PGPEP1: variants seen among roughly 807,000 people sequenced by gnomAD.
The protein encoded by PGPEP1 is pyroglutamyl-peptidase I, also known as pyroglutamyl-peptidase 1.
In PGPEP1, 15 loss-of-function variants were observed where a neutral mutation model predicts 24.1. The observed-to-expected ratio is 0.62, with a 90% CI of 0.42 to 0.96. PGPEP1 has a LOEUF of 0.96. Ranked by LOEUF, PGPEP1 falls within the 40% of genes least tolerant of loss-of-function variation. PGPEP1 has a pLI of 0.00. For synonymous variants in PGPEP1, 122 were observed against 116.4 expected, an observed-to-expected ratio of 1.05 and a Z score of -0.31; for missense variants, 242 against 273.4, an observed-to-expected ratio of 0.89 and a Z score of 0.81.
intron 2 of PGPEP1, among the ~76,000 whole-genome samples, chr19:18,348,159 G>A (rs959349405): frequency 9.9e-5 from 15 of 152,116 alleles, no homozygotes; most frequent in Non-Finnish European, 2.1e-4. Flanking sequence ...GTGGACTGGG[G>A]CACTGGCTGT....
At chr19:18,359,722 A>G (rs150614482) in intron 4 of PGPEP1, among the ~76,000 whole-genome samples, 2,122 of 152,122 alleles carry the variant, frequency 0.014, 38 homozygotes, top group Non-Finnish European at 0.017. Flanking sequence ...TGGCCACACC[A>G]GGGTGGTCTC....
intron 2 of PGPEP1, among the ~76,000 whole-genome samples, chr19:18,343,604 GT>G (rs1438121778): frequency 2.6e-5 from 4 of 151,638 alleles, no homozygotes; most frequent in African/African-American, 4.8e-5. Context: ...AACGTAGCTG[GT>G]TTCCAGGACA....
At chr19:18,363,110 C>T (rs1971395638) in intron 4 of PGPEP1, among the ~76,000 whole-genome samples, 1 of 149,002 alleles carries the variant, frequency 6.7e-6, no homozygotes, top group Non-Finnish European at 1.5e-5. Context: ...AGGCTGAGTG[C>T]AGTGGTGCAA....
chr19:18,363,332 G>C (rs912276534), intron 4 of PGPEP1, 59 bp from the exon 5 acceptor site: 1 of 1,431,938 alleles, frequency 7.0e-7, no homozygotes, highest in Admixed American at 1.8e-5. Context: ...CTTGGTCTAC[G>C]GATTGCCCCT....
At chr19:18,363,033 T>TTGTGTGTGTGTGTGTGTGTG (rs201259409) in intron 4 of PGPEP1, among the ~76,000 whole-genome samples, 243 of 136,780 alleles carry the variant, frequency 1.8e-3, no homozygotes, top group East Asian at 4.5e-3. Flanking sequence ...TTTTTTTTGT[T>TTGTGTGTGTGTGTGTGTGTG]TGTGTGTGTG....
At chr19:18,358,253 CTTTTT>C (rs58979840) in intron 4 of PGPEP1, among the ~76,000 whole-genome samples, 7 of 64,482 alleles carry the variant, frequency 1.1e-4, no homozygotes, top group Non-Finnish European at 1.4e-4. Flanking sequence ...TCCAGTATGA[CTTTTT>C]TTTTTTTTTT....
intron 1 of PGPEP1, among the ~76,000 whole-genome samples, chr19:18,341,266 GCTGTCCCAGGGA>G (rs1170708728): frequency 6.6e-6 from 1 of 152,214 alleles, no homozygotes; most frequent in African/African-American, 2.4e-5. Context: ...GGCTCTCCCA[GCTGTCCCAGGGA>G]CTGTCTTCAG....
In PGPEP1 at chr19:18,369,029, G is replaced by C. The variant is rs993203441; in HGVS notation, c.*5446G>C. 6.6e-6 allele frequency: 1 copy of C among 152,288 alleles called. No homozygotes were observed. The highest frequency in any genetic ancestry group is 2.4e-5 in the African/African-American group (1 of 41,466). 9.4% of individuals were successfully genotyped at this position (152,288 alleles called of 1,614,324 possible). A position where few individuals can be genotyped will look rare whatever the true frequency, so the allele number is the denominator to read the frequency against. On this transcript the variant is annotated 3_prime_UTR_variant, in exon 5 of 5. Coordinates refer to ENST00000269919, the MANE Select transcript of PGPEP1 (RefSeq NM_017712.4). ...AGGGCCCGGGGCTGCTGGTTGGGAG[G>C]GAAAGCATCCCCGTTTTTGCAGTGA...
intron 1 of PGPEP1, among the ~76,000 whole-genome samples, chr19:18,342,457 A>G (rs934918391): frequency 2.0e-5 from 3 of 152,222 alleles, no homozygotes; most frequent in Non-Finnish European, 4.4e-5. Context: ...GGTGAAATCT[A>G]GACAGCCTGG....
chr19:18,345,607 C>G lies in PGPEP1; in HGVS notation c.87+2696C>G, dbSNP rs1970811196. 2.0e-5 allele frequency among the ~76,000 whole-genome samples: 3 copies of G among 150,796 alleles called. No homozygotes were observed. The South Asian group carries it at 6.2e-4, about 31-fold the overall frequency. The stretch of plus-strand genomic sequence containing the variant: ...GGGAGTGGTGGCGCATGCCTGTAGT[C>G]CCAGCTACTCGGGAGGCTAATATGG... On this transcript the variant is annotated intron_variant, in intron 2 of 4. Coordinates refer to ENST00000269919, the MANE Select transcript of PGPEP1 (RefSeq NM_017712.4).
intron 1 of PGPEP1, among the ~76,000 whole-genome samples, chr19:18,341,529 G>A (rs1049808415): frequency 1.3e-5 from 2 of 152,122 alleles, no homozygotes; most frequent in Admixed American, 6.6e-5. Context: ...GGTGTTTTGT[G>A]GCTGTTGAAG....
At position 18,349,082 on chromosome 19, in the gene PGPEP1, AAC is replaced by A. The variant is rs201641785; in HGVS notation, c.87+6179_87+6180del. 925 of 983,430 alleles carry A rather than the reference AAC, an allele frequency of 9.4e-4. 6 individuals carry two copies. In the African/African-American group the frequency reaches 0.015, roughly 16 times the overall value. 60.9% of individuals were successfully genotyped at this position (983,430 alleles called of 1,614,324 possible). A position where few individuals can be genotyped will look rare whatever the true frequency, so the allele number is the denominator to read the frequency against. On this transcript the variant is annotated intron_variant, in intron 2 of 4. Transcript: ENST00000269919. Reference sequence around the variant, plus strand: ...CCCTGCCATCAGGTGGGTCTTGGCAAACACACACATGAACACCTCTCTTGTGA... The same window carrying A: ...CCCTGCCATCAGGTGGGTCTTGGCAAACACACATGAACACCTCTCTTGTGA...
At position 18,357,375 on chromosome 19, in the gene PGPEP1, G is replaced by A. The variant is rs747829715; in HGVS notation, c.205-8G>A. 5 of 1,610,396 alleles carry A rather than the reference G, an allele frequency of 3.1e-6. No homozygotes were observed. The highest frequency in any genetic ancestry group is 2.7e-5 in the African/African-American group (2 of 74,984). ...GCCATGTTAAGTCCTGCCCCTGTCT[G>A]TGTGCAGCTGGTGGTGCATGTGGGG... On this transcript the variant is annotated splice_region_variant and splice_polypyrimidine_tract_variant and intron_variant, in intron 3 of 4. Coordinates refer to ENST00000269919, the MANE Select transcript of PGPEP1 (RefSeq NM_017712.4).
intron 2 of PGPEP1, among the ~76,000 whole-genome samples, chr19:18,345,620 G>T (rs1490806268): frequency 6.6e-6 from 1 of 150,778 alleles, no homozygotes; most frequent in Non-Finnish European, 1.5e-5. Flanking sequence ...AGCTACTCGG[G>T]AGGCTAATAT....
intron 2 of PGPEP1, among the ~76,000 whole-genome samples, chr19:18,352,266 CAAAAAAA>C (rs60299417): frequency 2.3e-5 from 1 of 43,664 alleles, no homozygotes; most frequent in African/African-American, 7.6e-5. Flanking sequence ...GACTCCGTCT[CAAAAAAA>C]AAAAAAAAAA....
chr19:18,351,560 G>T (rs1235797601), intron 2 of PGPEP1, among the ~76,000 whole-genome samples: 1 of 149,524 alleles, frequency 6.7e-6, no homozygotes, highest in East Asian at 2.0e-4. Context: ...GGAGGTGGAG[G>T]TTGCGATGAG....
chr19:18,362,601 G>A (rs1015543914), intron 4 of PGPEP1, among the ~76,000 whole-genome samples: 1 of 146,568 alleles, frequency 6.8e-6, no homozygotes, highest in Non-Finnish European at 1.5e-5. Context: ...TGTGGCCCAC[G>A]CCCGTAATCC....
At position 18,364,112 on chromosome 19, in the gene PGPEP1, C is replaced by CTTTCTTTT. The variant is rs1971450391; in HGVS notation, c.*531_*532insTCTTTTTT. 1.1e-5 allele frequency: 1 copy of CTTTCTTTT among 92,334 alleles called. No individual in the cohort carries two copies. Among genetic ancestry groups the CTTTCTTTT allele is most frequent in the Admixed American group, 1.0e-4 (1 of 9,616 alleles). 5.7% of individuals were successfully genotyped at this position (92,334 alleles called of 1,614,324 possible). ...TCTTTCTTTCTTTCTTTCTTTCTTT[C>CTTTCTTTT]TTGCTTTCTTTCTTTCTTGCTTTCT... is the stretch of plus-strand genomic sequence containing the variant. On this transcript the variant is annotated 3_prime_UTR_variant, in exon 5 of 5. Transcript: ENST00000269919.
intron 2 of PGPEP1, among the ~76,000 whole-genome samples, chr19:18,354,718 A>G (rs1054091322): frequency 5.9e-5 from 9 of 151,904 alleles, no homozygotes; most frequent in Non-Finnish European, 1.0e-4. Context: ...AGGTCTCACT[A>G]TGTTGCCCAG....
Sources: allele counts gnomAD v4.1 joint callset (sites outside exome capture counted in the v4.1 genomes callset), GRCh38; gene constraint gnomAD v4.1.1; transcripts MANE v1.5; gene names NCBI Gene and HGNC (gene_info 2026-07-23, HGNC 2026-07-21).